PHLPP1: variants seen among roughly 807,000 people sequenced by gnomAD.
PHLPP1 encodes PH domain leucine-rich repeat-containing protein phosphatase 1.
Under a neutral mutation model 117.2 loss-of-function variants are expected in PHLPP1, and 42 were observed. The observed-to-expected ratio is 0.36, with a 90% CI of 0.28 to 0.46. The LOEUF is 0.46. PHLPP1 is among the 20% of genes least tolerant of loss of function. The pLI, the probability that PHLPP1 is intolerant of heterozygous loss-of-function variation, is 1.00. For missense variants in PHLPP1, 2,084 were observed against 2,241.9 expected (o/e 0.93, Z 1.42); for synonymous variants, 1,042 against 970.7 (o/e 1.07, Z -1.37).
chr18:62,836,787 A>G (rs1914916509), intron 2 of PHLPP1, among the ~76,000 whole-genome samples: 4 of 151,682 alleles, frequency 2.6e-5, no homozygotes, highest in Admixed American at 2.6e-4. Context: ...TATAGGGGCC[A>G]GGCGTGGCTC....
chr18:62,941,428 C>T (rs1048030676), intron 10 of PHLPP1, among the ~76,000 whole-genome samples: 1 of 152,196 alleles, frequency 6.6e-6, no homozygotes, highest in African/African-American at 2.4e-5. Context: ...ATATCACTTT[C>T]TCTTCCACTC....
intron 4 of PHLPP1, among the ~76,000 whole-genome samples, chr18:62,882,462 G>A (rs904022382): frequency 2.6e-4 from 40 of 151,810 alleles, no homozygotes; most frequent in African/African-American, 9.2e-4. Context: ...TAGTAGAGAC[G>A]GGGTTTCACC....
rs1911334501 is a variant in PHLPP1 at position 62,980,192 on chromosome 18, G to A, written c.*761G>A. ...GCAGCTGCAGTGTTTCTGTCCGGAGGAAATGGATCTTAGGCCACTGGACAA... is the reference window on the plus strand; with the variant it reads ...GCAGCTGCAGTGTTTCTGTCCGGAGAAAATGGATCTTAGGCCACTGGACAA... On this transcript the variant is annotated 3_prime_UTR_variant, in exon 17 of 17. Coordinates refer to ENST00000262719, the MANE Select transcript of PHLPP1 (RefSeq NM_194449.4). The A allele has an allele frequency of 6.6e-6, 1 of 152,572 alleles. No homozygotes were observed. The highest frequency in any genetic ancestry group is 6.5e-5 in the Admixed American group (1 of 15,276). 9.5% of individuals were successfully genotyped at this position (152,572 alleles called of 1,614,324 possible). A position where few individuals can be genotyped will look rare whatever the true frequency, so the allele number is the denominator to read the frequency against.
At chr18:62,775,691 TTTA>T (rs1912931758) in intron 1 of PHLPP1, among the ~76,000 whole-genome samples, 2 of 152,206 alleles carry the variant, frequency 1.3e-5, no homozygotes, top group African/African-American at 4.8e-5. Flanking sequence ...TTAGCTATAA[TTTA>T]TTGAGGTATA....
intron 1 of PHLPP1, among the ~76,000 whole-genome samples, chr18:62,817,851 CTTT>C (rs71340119): frequency 1.9e-4 from 16 of 85,948 alleles, no homozygotes; most frequent in African/African-American, 5.1e-4. Context: ...TGGCAACAGA[CTTT>C]TTTTTTTTTT....
intron 12 of PHLPP1, among the ~76,000 whole-genome samples, chr18:62,956,031 G>A (rs1438046356): frequency 6.6e-6 from 1 of 151,830 alleles, no homozygotes; most frequent in Non-Finnish European, 1.5e-5. Flanking sequence ...ATTTATAATT[G>A]AAAAAAACAA....
intron 10 of PHLPP1, among the ~76,000 whole-genome samples, chr18:62,930,937 C>T (rs1221590007): frequency 2.0e-5 from 3 of 152,162 alleles, no homozygotes; most frequent in African/African-American, 7.2e-5. Context: ...TGCCTGTAAT[C>T]ACAGCACTTT....
At chr18:62,948,271 G>A (rs2144462682) in intron 12 of PHLPP1, among the ~76,000 whole-genome samples, 1 of 151,744 alleles carries the variant, frequency 6.6e-6, no homozygotes, top group East Asian at 1.9e-4. Context: ...GCTACAGTGA[G>A]CCGAGATCAC....
rs187998720 is a variant in PHLPP1 at position 62,795,126 on chromosome 18, G to C, written c.1577-34909G>C. The stretch of plus-strand genomic sequence containing the variant: ...ATTTTAGGCTGTGCAGTTCTCGTAG[G>C]TCTTTGTTGCATATTCTTAATTGGT... On this transcript the variant is annotated intron_variant, in intron 1 of 16. Coordinates refer to ENST00000262719, the MANE Select transcript of PHLPP1 (RefSeq NM_194449.4). Among the ~76,000 whole-genome samples the C allele has an allele frequency of 9.1e-4, 138 of 152,118 alleles. 2 individuals are homozygous for C. The South Asian group carries it at 0.022, about 24-fold the overall frequency.
chr18:62,837,110 G>A (rs1427466051), intron 2 of PHLPP1, among the ~76,000 whole-genome samples: 1 of 152,148 alleles, frequency 6.6e-6, no homozygotes, highest in Non-Finnish European at 1.5e-5. Context: ...AGACTTCTGA[G>A]TAGCTATAGG....
chr18:62,871,720 C>T (rs1915909109), intron 4 of PHLPP1, among the ~76,000 whole-genome samples: 1 of 150,084 alleles, frequency 6.7e-6, no homozygotes, highest in Non-Finnish European at 1.5e-5. Context: ...TCTCAGCTCA[C>T]TGCAGCCTCC....
chr18:62,899,271 A>C (rs140247499), intron 6 of PHLPP1, among the ~76,000 whole-genome samples: 1 of 152,320 alleles, frequency 6.6e-6, no homozygotes, highest in African/African-American at 2.4e-5. Context: ...CCCCAGTGTG[A>C]GTCCTTAGTA....
intron 1 of PHLPP1, among the ~76,000 whole-genome samples, chr18:62,755,546 A>G (rs111701424): frequency 2.9e-4 from 44 of 152,146 alleles, no homozygotes; most frequent in Non-Finnish European, 5.0e-4. Context: ...GCCCTTATAA[A>G]AGACGCCTGA....
At chr18:62,835,505 A>G (rs1914868369) in intron 2 of PHLPP1, among the ~76,000 whole-genome samples, 1 of 151,948 alleles carries the variant, frequency 6.6e-6, no homozygotes, top group African/African-American at 2.4e-5. Context: ...GCTCCTTATC[A>G]ATGATCTTGA....
At chr18:62,913,268 C>G (rs911055722) in intron 8 of PHLPP1, among the ~76,000 whole-genome samples, 9 of 151,934 alleles carry the variant, frequency 5.9e-5, no homozygotes, top group East Asian at 3.9e-4. Flanking sequence ...TTTCAATCCC[C>G]TATCCTGTTG....
At chr18:62,902,196 C>T (rs961328934) in intron 6 of PHLPP1, among the ~76,000 whole-genome samples, 9 of 152,126 alleles carry the variant, frequency 5.9e-5, no homozygotes, top group Non-Finnish European at 1.0e-4. Flanking sequence ...CTAGAGATTC[C>T]GCCAGTTTTC....
intron 1 of PHLPP1, among the ~76,000 whole-genome samples, chr18:62,803,393 A>C (rs1336272651): frequency 4.6e-5 from 7 of 151,940 alleles, no homozygotes; most frequent in Non-Finnish European, 1.0e-4. Context: ...ACCCACTCCA[A>C]AATAACTGCT....
intron 1 of PHLPP1, among the ~76,000 whole-genome samples, chr18:62,753,542 C>T (rs896522170): frequency 1.4e-4 from 21 of 152,192 alleles, no homozygotes; most frequent in African/African-American, 5.1e-4. Context: ...TGTTCACTGC[C>T]TTCCTAAAAA....
intron 1 of PHLPP1, among the ~76,000 whole-genome samples, chr18:62,819,465 C>T (rs1914384163): frequency 6.6e-6 from 1 of 151,976 alleles, no homozygotes; most frequent in Admixed American, 6.6e-5. Flanking sequence ...TGAGTAAAAA[C>T]AAAGAACAGA....
Sources: allele counts gnomAD v4.1 joint callset (sites outside exome capture counted in the v4.1 genomes callset), GRCh38; gene constraint gnomAD v4.1.1; transcripts MANE v1.5; gene names NCBI Gene and HGNC (gene_info 2026-07-23, HGNC 2026-07-21).